EPB41L4B: variants seen among roughly 807,000 people sequenced by gnomAD.
EPB41L4B encodes the protein band 4.1-like protein 4B.
EPB41L4B carries 30 observed loss-of-function variants against 112.5 expected under a neutral mutation model. The ratio of observed to expected loss-of-function variants is 0.27; its 90% CI spans 0.20 to 0.36. The LOEUF is 0.36. Ranked by LOEUF, EPB41L4B falls within the 10% of genes least tolerant of loss-of-function variation. EPB41L4B has a pLI of 1.00. For synonymous variants in EPB41L4B, 408 were observed against 439.7 expected (o/e 0.93, Z 0.90); for missense variants, 1,024 against 1,133.3 (o/e 0.90, Z 1.38).
At chr9:109,315,250 T>C (rs68082079) in intron 1 of EPB41L4B, among the ~76,000 whole-genome samples, 57,802 of 152,018 alleles carry the variant, frequency 0.38, 12,778 homozygotes, top group African/African-American at 0.61. Context: ...CTCACAGTTC[T>C]AGGGCCAGGG....
At chr9:109,275,657 A>G (rs921699878) in intron 2 of EPB41L4B, among the ~76,000 whole-genome samples, 1 of 152,232 alleles carries the variant, frequency 6.6e-6, no homozygotes, top group East Asian at 1.9e-4. Flanking sequence ...GGTTACAAAA[A>G]CTTTTCTCCT....
At chr9:109,304,027 C>T (rs1162783488) in intron 1 of EPB41L4B, among the ~76,000 whole-genome samples, 1 of 152,098 alleles carries the variant, frequency 6.6e-6, no homozygotes, top group African/African-American at 2.4e-5. Context: ...GATGCCGGAA[C>T]CAGACTCCCT....
At chr9:109,247,017 A>T (rs2118987909) in intron 14 of EPB41L4B, among the ~76,000 whole-genome samples, 1 of 152,232 alleles carries the variant, frequency 6.6e-6, no homozygotes, top group African/African-American at 2.4e-5. Context: ...TTTTAAATAG[A>T]TGAGTTCCCA....
chr9:109,297,272 T>C (rs377697785), intron 1 of EPB41L4B, among the ~76,000 whole-genome samples: 2 of 152,026 alleles, frequency 1.3e-5, no homozygotes, highest in South Asian at 2.1e-4. Flanking sequence ...CGATCTTGGA[T>C]TCCAGCCTCC....
intron 15 of EPB41L4B, among the ~76,000 whole-genome samples, chr9:109,220,445 G>A (rs769678476): frequency 5.9e-5 from 9 of 152,180 alleles, no homozygotes; most frequent in Non-Finnish European, 1.0e-4. Flanking sequence ...AGACTGGTTG[G>A]GGAGAGACTC....
At chr9:109,241,116 C>T (rs1402805044) in intron 15 of EPB41L4B, 2 of 985,558 alleles carry the variant, frequency 2.0e-6, no homozygotes, top group African/African-American at 3.5e-5. Flanking sequence ...GAATGTATGT[C>T]CTCAACCTAA....
intron 20 of EPB41L4B, among the ~76,000 whole-genome samples, chr9:109,196,476 T>TG (rs1564258038): frequency 1.3e-5 from 2 of 152,160 alleles, no homozygotes; most frequent in African/African-American, 4.8e-5. Flanking sequence ...CCCGGCACTC[T>TG]GGGGGGCCAA....
intron 19 of EPB41L4B, among the ~76,000 whole-genome samples, chr9:109,202,437 C>A (rs546510490): frequency 1.3e-5 from 2 of 152,304 alleles, no homozygotes; most frequent in East Asian, 1.9e-4. Context: ...CCACCAAACA[C>A]CCACCACACA....
At position 109,300,424 on chromosome 9, in the gene EPB41L4B, A is replaced by AC. The variant is rs1554764542; in HGVS notation, c.306+19716dup. The AC allele has an allele frequency of 2.6e-5, 4 of 152,186 alleles. No homozygotes were observed. In the South Asian group the frequency reaches 6.3e-4, roughly 24 times the overall value. The allele number at this position is 152,186 out of a possible 1,614,324, so 9.4% of individuals were successfully genotyped here. On this transcript the variant is annotated intron_variant, in intron 1 of 25. Coordinates refer to ENST00000374566, the MANE Select transcript of EPB41L4B (RefSeq NM_019114.5). The stretch of plus-strand genomic sequence containing the variant: ...TGAACAGCCGCAATTTTAACCTACA[A>AC]CCCCACCATCACAATCTTAAATCCA...
chr9:109,315,834 C>G (rs1483072006), intron 1 of EPB41L4B, among the ~76,000 whole-genome samples: 2 of 152,144 alleles, frequency 1.3e-5, no homozygotes, highest in Non-Finnish European at 2.9e-5. Flanking sequence ...CTTTTCACAT[C>G]CAAAGTGAAA....
rs755554301 is a variant in EPB41L4B, at chr9:109,279,955, G to C, written c.307-34C>G. The C allele has an allele frequency of 3.0e-5, 47 of 1,545,664 alleles. No individual in the cohort carries two copies. In the South Asian group the frequency reaches 5.1e-4, roughly 17 times the overall value. On this transcript the variant is annotated intron_variant, in intron 1 of 25. Transcript: ENST00000374566. Reference sequence around the variant, plus strand: ...CAATTGGGAAGATGAAAAAACTTAGGGTGAGACAGCTAGATAAGAAAAAAA... The same window carrying C: ...CAATTGGGAAGATGAAAAAACTTAGCGTGAGACAGCTAGATAAGAAAAAAA...
At chr9:109,269,203 T>C (rs1464900598) in intron 2 of EPB41L4B, among the ~76,000 whole-genome samples, 1 of 152,188 alleles carries the variant, frequency 6.6e-6, no homozygotes, top group Non-Finnish European at 1.5e-5. Flanking sequence ...AGAACTAAAA[T>C]TCACAACCCC....
chr9:109,274,064 T>C (rs2119110346), intron 2 of EPB41L4B, among the ~76,000 whole-genome samples: 1 of 152,268 alleles, frequency 6.6e-6, no homozygotes, highest in Admixed American at 6.5e-5. Flanking sequence ...CCAACCTCAC[T>C]ATGCAGCCCT....
chr9:109,236,890 C>T (rs968304717), intron 15 of EPB41L4B, among the ~76,000 whole-genome samples: 3 of 152,144 alleles, frequency 2.0e-5, no homozygotes, highest in Non-Finnish European at 4.4e-5. Flanking sequence ...GCAAATCATC[C>T]TAGACCAATG....
chr9:109,178,614 T>A (rs979568897), intron 24 of EPB41L4B, among the ~76,000 whole-genome samples: 1 of 151,028 alleles, frequency 6.6e-6, no homozygotes, highest in African/African-American at 2.4e-5. Flanking sequence ...ATAACTGGGG[T>A]TTTTTTTAGT....
chr9:109,320,080 G>A (rs1169542790), intron 1 of EPB41L4B, 61 bp downstream of exon 1: 3 of 1,311,342 alleles, frequency 2.3e-6, no homozygotes, highest in South Asian at 1.9e-5. Flanking sequence ...AGCACTGGGG[G>A]AGGGGGAGCT....
At chr9:109,253,389 A>T in intron 12 of EPB41L4B, 52 bp downstream of exon 12, 1 of 1,332,666 alleles carries the variant, frequency 7.5e-7, no homozygotes, top group Non-Finnish European at 1.1e-6. Flanking sequence ...TCGAGGGCTT[A>T]AATGACTCAA....
At chr9:109,302,009 T>C (rs1412582782) in intron 1 of EPB41L4B, among the ~76,000 whole-genome samples, 1 of 152,264 alleles carries the variant, frequency 6.6e-6, no homozygotes, top group Non-Finnish European at 1.5e-5. Flanking sequence ...TGCCAGTTCC[T>C]GCACCTAAAG....
intron 17 of EPB41L4B, among the ~76,000 whole-genome samples, chr9:109,208,852 C>T (rs1052560129): frequency 6.6e-6 from 1 of 152,098 alleles, no homozygotes; most frequent in Non-Finnish European, 1.5e-5. Flanking sequence ...GTTAACCATG[C>T]CTATTGTGGT....
Sources: allele counts gnomAD v4.1 joint callset (sites outside exome capture counted in the v4.1 genomes callset), GRCh38; gene constraint gnomAD v4.1.1; transcripts MANE v1.5; gene names NCBI Gene and HGNC (gene_info 2026-07-23, HGNC 2026-07-21).